XRCC4: variants seen among roughly 807,000 people sequenced by gnomAD.
XRCC4 encodes DNA repair protein XRCC4.
A neutral mutation model predicts 39.1 loss-of-function variants in XRCC4; 28 were observed. That is an observed-to-expected ratio of 0.72 (90% CI 0.53 to 0.98). The LOEUF (loss-of-function observed/expected upper bound fraction) is 0.98, where lower values mean the gene tolerates loss of function less well. Ranked by LOEUF, XRCC4 falls within the 50% of genes least tolerant of loss-of-function variation. XRCC4 has a pLI of 0.00. For synonymous variants in XRCC4, 123 were observed against 126.4 expected (o/e 0.97, Z 0.18); for missense variants, 350 against 376.4 (o/e 0.93, Z 0.58).
At chr5:83,097,549 CTT>C (rs5869161) in intron 1 of XRCC4, among the ~76,000 whole-genome samples, 5 of 148,842 alleles carry the variant, frequency 3.4e-5, no homozygotes, top group African/African-American at 1.2e-4. Context: ...CTGAAAAACA[CTT>C]TTTTTTTTTA....
chr5:83,192,630 T>G (rs2662243), intron 3 of XRCC4, among the ~76,000 whole-genome samples: 86,050 of 151,452 alleles, frequency 0.57, 25,199 homozygotes, highest in African/African-American at 0.71. Flanking sequence ...TATTTTAGAA[T>G]TTAATTGCTC....
At chr5:83,285,541 AATT>A (rs1275099149) in intron 7 of XRCC4, among the ~76,000 whole-genome samples, 7 of 152,136 alleles carry the variant, frequency 4.6e-5, no homozygotes, top group Non-Finnish European at 1.0e-4. Context: ...ATCCCTATGT[AATT>A]ATTTTATGTC....
At chr5:83,263,529 T>G (rs982079461) in intron 7 of XRCC4, among the ~76,000 whole-genome samples, 2 of 151,246 alleles carry the variant, frequency 1.3e-5, no homozygotes. Context: ...TTTTGAATGA[T>G]TGCCATTCTA....
chr5:83,306,298 T>C (rs1370067418), intron 7 of XRCC4, among the ~76,000 whole-genome samples: 1 of 152,154 alleles, frequency 6.6e-6, no homozygotes, highest in Non-Finnish European at 1.5e-5. Flanking sequence ...CGAAAAACCA[T>C]AGAATTTGCC....
At chr5:83,107,212 CA>C (rs1031318628) in intron 2 of XRCC4, among the ~76,000 whole-genome samples, 1 of 151,926 alleles carries the variant, frequency 6.6e-6, no homozygotes, top group African/African-American at 2.4e-5. Flanking sequence ...GTTTACATAT[CA>C]GGGACAAAAT....
chr5:83,192,898 GATAAATAAAGAACAGCTGTGACAGTA>G (rs1198704431), intron 3 of XRCC4, among the ~76,000 whole-genome samples: 2 of 152,142 alleles, frequency 1.3e-5, no homozygotes, highest in Non-Finnish European at 2.9e-5. Context: ...TGACAGAACT[GATAAATAAAGAACAGCTGTGACAGTA>G]ACCTTATATG....
chr5:83,324,477 C>G (rs1756180960), intron 7 of XRCC4, among the ~76,000 whole-genome samples: 1 of 152,062 alleles, frequency 6.6e-6, no homozygotes, highest in Non-Finnish European at 1.5e-5. Context: ...ATGTAAATAT[C>G]TTTGTCAATA....
At chr5:83,348,226 A>G (rs901772350) in intron 7 of XRCC4, among the ~76,000 whole-genome samples, 1 of 152,132 alleles carries the variant, frequency 6.6e-6, no homozygotes, top group African/African-American at 2.4e-5. Context: ...CAGTTCCATT[A>G]GGCAGTGTCC....
intron 7 of XRCC4, among the ~76,000 whole-genome samples, chr5:83,340,803 T>C (rs548343669): frequency 5.5e-4 from 83 of 152,234 alleles, no homozygotes; most frequent in African/African-American, 1.6e-3. Context: ...GCATCAGCCA[T>C]AGGAAACAAA....
intron 7 of XRCC4, among the ~76,000 whole-genome samples, chr5:83,333,408 T>A (rs1195503937): frequency 1.3e-5 from 2 of 152,204 alleles, no homozygotes; most frequent in Admixed American, 1.3e-4. Context: ...TATTGTGGGC[T>A]CTGACTCTGA....
the XRCC4 span, among the ~76,000 whole-genome samples, chr5:83,359,739 C>T: frequency 6.6e-6 from 1 of 152,140 alleles, no homozygotes; most frequent in East Asian, 1.9e-4. Context: ...CTTCAATTAA[C>T]AAGTTTGTCG....
intron 7 of XRCC4, among the ~76,000 whole-genome samples, chr5:83,293,302 T>A (rs1460757339): frequency 6.6e-6 from 1 of 151,982 alleles, no homozygotes; most frequent in Non-Finnish European, 1.5e-5. Flanking sequence ...AACTAACTCC[T>A]AGTATAATAC....
chr5:83,206,745 A>G (rs1751437698), intron 6 of XRCC4, among the ~76,000 whole-genome samples: 1 of 152,162 alleles, frequency 6.6e-6, no homozygotes, highest in African/African-American at 2.4e-5. Context: ...AAAACCATCA[A>G]GGCAGTAGAC....
intron 6 of XRCC4, among the ~76,000 whole-genome samples, chr5:83,215,123 C>T (rs1751807837): frequency 6.6e-6 from 1 of 151,916 alleles, no homozygotes; most frequent in Non-Finnish European, 1.5e-5. Context: ...ATCATTTGAG[C>T]TCAGCAGTTT....
chr5:83,171,884 AAC>A (rs751967094), intron 3 of XRCC4, among the ~76,000 whole-genome samples: 1 of 152,188 alleles, frequency 6.6e-6, no homozygotes, highest in Non-Finnish European at 1.5e-5. Context: ...CATGATTTCT[AAC>A]ACATACTATT....
chr5:83,221,304 A>G (rs923786293), intron 6 of XRCC4, among the ~76,000 whole-genome samples: 1 of 152,126 alleles, frequency 6.6e-6, no homozygotes. Context: ...TATGAGGTAT[A>G]TACTATTATT....
intron 7 of XRCC4, among the ~76,000 whole-genome samples, chr5:83,340,846 C>G (rs1561483387): frequency 6.6e-6 from 1 of 152,122 alleles, no homozygotes. Context: ...TGAAACTATC[C>G]CCCTTGGTCC....
chr5:83,182,943 G>A (rs28360111), intron 3 of XRCC4, among the ~76,000 whole-genome samples: 1 of 152,032 alleles, frequency 6.6e-6, no homozygotes, highest in South Asian at 2.1e-4. Context: ...CCCAGTCTAA[G>A]GTATTTGGTT....
intron 7 of XRCC4, among the ~76,000 whole-genome samples, chr5:83,314,748 A>G (rs1755821339): frequency 6.6e-6 from 1 of 152,128 alleles, no homozygotes; most frequent in Non-Finnish European, 1.5e-5. Flanking sequence ...GGTGCCACAA[A>G]CCATGCCCAT....
Sources: allele counts gnomAD v4.1 joint callset (sites outside exome capture counted in the v4.1 genomes callset), GRCh38; gene constraint gnomAD v4.1.1; transcripts MANE v1.5; gene names NCBI Gene and HGNC (gene_info 2026-07-23, HGNC 2026-07-21).